MTCL2: variants seen among roughly 807,000 people sequenced by gnomAD.
The protein encoded by MTCL2 is microtubule cross-linking factor 2.
At chr20:36,863,123 C>A in the MTCL2 span, 1 of 1,397,890 alleles carries the variant, frequency 7.2e-7, no homozygotes, top group African/African-American at 1.5e-5. This position sits in a 1 kb window ranked among gnomAD's most constrained non-coding sequence, Gnocchi z 6.2. Flanking sequence ...CCACTGCGCG[C>A]CCCTTCTTGT....
At chr20:36,863,434 G>A in the MTCL2 span, 9 of 986,218 alleles carry the variant, frequency 9.1e-6, no homozygotes, top group Non-Finnish European at 1.1e-5. The surrounding 1 kb of genome is among the most constrained non-coding windows in gnomAD (Gnocchi z 6.2). Context: ...CGCGGCTCCG[G>A]CCGCTGGGGC....
chr20:36,841,872 G>GTGTGTGT, the MTCL2 span, among the ~76,000 whole-genome samples: 1 of 71,418 alleles, frequency 1.4e-5, no homozygotes, highest in African/African-American at 7.0e-5. Context: ...GGTGGGGGGT[G>GTGTGTGT]GGGTGTGTGT....
chr20:36,808,077 A>G, the MTCL2 span, among the ~76,000 whole-genome samples: 4 of 147,076 alleles, frequency 2.7e-5, no homozygotes, highest in Non-Finnish European at 4.5e-5. Flanking sequence ...GGGTTTCACC[A>G]TGTTAGCCAG....
chr20:36,815,417 A>G, the MTCL2 span: 13 of 1,613,066 alleles, frequency 8.1e-6, no homozygotes, highest in Middle Eastern at 1.6e-4. This position sits in a 1 kb window ranked among gnomAD's most constrained non-coding sequence, Gnocchi z 5.3. Flanking sequence ...CCGTGAAGCC[A>G]TTGGCATCAG....
At chr20:36,810,726 C>CTCTCTCTT in the MTCL2 span, among the ~76,000 whole-genome samples, 1 of 144,812 alleles carries the variant, frequency 6.9e-6, no homozygotes, top group Non-Finnish European at 1.5e-5. Flanking sequence ...CCCTCTCTCT[C>CTCTCTCTT]TCTCTCTCTC....
the MTCL2 span, among the ~76,000 whole-genome samples, chr20:36,805,515 G>C: frequency 6.6e-6 from 1 of 152,074 alleles, no homozygotes; most frequent in Admixed American, 6.6e-5. Context: ...CTCAATACCA[G>C]AACACCTTGC....
the MTCL2 span, among the ~76,000 whole-genome samples, chr20:36,800,480 T>C: frequency 5.3e-5 from 8 of 152,204 alleles, no homozygotes; most frequent in Non-Finnish European, 1.2e-4. Context: ...AAAGGAGCTC[T>C]TTACCTGCAG....
At chr20:36,829,203 C>T in the MTCL2 span, 1 of 1,609,436 alleles carries the variant, frequency 6.2e-7, no homozygotes, top group Non-Finnish European at 8.5e-7. Flanking sequence ...ATGGAGATGT[C>T]CTTAGAGACC....
the MTCL2 span, chr20:36,783,717 G>C: frequency 2.1e-6 from 2 of 974,488 alleles, no homozygotes; most frequent in South Asian, 4.8e-5. Context: ...GCAGTTTTCT[G>C]CTTTGGGAAT....
At chr20:36,801,362 C>T in the MTCL2 span, among the ~76,000 whole-genome samples, 5 of 151,988 alleles carry the variant, frequency 3.3e-5, no homozygotes, top group African/African-American at 1.2e-4. Flanking sequence ...CCAGGAAAGA[C>T]ACAAAGTATA....
the MTCL2 span, among the ~76,000 whole-genome samples, chr20:36,820,764 C>T: frequency 6.6e-6 from 1 of 151,982 alleles, no homozygotes; most frequent in African/African-American, 2.4e-5. Context: ...ATCGGTTGAA[C>T]CCATGAGGCA....
At chr20:36,789,876 G>T in the MTCL2 span, among the ~76,000 whole-genome samples, 1 of 152,002 alleles carries the variant, frequency 6.6e-6, no homozygotes, top group Non-Finnish European at 1.5e-5. Flanking sequence ...AGGCTGGAGT[G>T]CAGTGGTGCG....
At chr20:36,781,207 C>A in the MTCL2 span, 5 of 152,170 alleles carry the variant, frequency 3.3e-5, no homozygotes, top group Non-Finnish European at 5.9e-5. Context: ...CTGCTCAGTG[C>A]TCTTTTTAAG....
chr20:36,811,864 T>C, the MTCL2 span, among the ~76,000 whole-genome samples: 22 of 152,088 alleles, frequency 1.4e-4, no homozygotes, highest in Non-Finnish European at 2.1e-4. Flanking sequence ...GGAAAATACA[T>C]AGGACTCTGC....
chr20:36,819,740 A>G, the MTCL2 span, among the ~76,000 whole-genome samples: 79 of 152,200 alleles, frequency 5.2e-4, no homozygotes, highest in African/African-American at 1.9e-3. Flanking sequence ...AGAGCTCCAG[A>G]TGGACTCCTA....
chr20:36,861,510 G>C, the MTCL2 span, among the ~76,000 whole-genome samples: 4 of 152,084 alleles, frequency 2.6e-5, no homozygotes, highest in Non-Finnish European at 5.9e-5. Context: ...ACTCTAATGA[G>C]GGAGAAGCCC....
chr20:36,833,162 C>G, the MTCL2 span, among the ~76,000 whole-genome samples: 1 of 152,158 alleles, frequency 6.6e-6, no homozygotes, highest in Non-Finnish European at 1.5e-5. Flanking sequence ...CACTCTCAGG[C>G]TGATTTTGCC....
chr20:36,815,369 G>T, the MTCL2 span: 2 of 1,613,690 alleles, frequency 1.2e-6, no homozygotes, highest in East Asian at 2.2e-5. This position sits in a 1 kb window ranked among gnomAD's most constrained non-coding sequence, Gnocchi z 5.3. Flanking sequence ...GCAGCCGGAA[G>T]TCAGCACACT....
At chr20:36,784,833 G>C in the MTCL2 span, 1 of 985,516 alleles carries the variant, frequency 1.0e-6, no homozygotes, top group Non-Finnish European at 1.2e-6. Flanking sequence ...GGTGAGAACC[G>C]AGGCAGGCTG....
Sources: allele counts gnomAD v4.1 joint callset (sites outside exome capture counted in the v4.1 genomes callset), GRCh38; gene constraint gnomAD v4.1.1; non-coding constraint Gnocchi (gnomAD v3.1); transcripts MANE v1.5; gene names NCBI Gene and HGNC (gene_info 2026-07-23, HGNC 2026-07-21).